Variants in SNX13 observed in about 807,000 individuals in gnomAD.
The protein encoded by SNX13 is sorting nexin 13.
Under a neutral mutation model 133.6 loss-of-function variants are expected in SNX13, and 45 were observed. The observed-to-expected ratio is 0.34, with a 90% CI of 0.27 to 0.43. SNX13 has a LOEUF of 0.43. Ranked by LOEUF, SNX13 falls within the 20% of genes least tolerant of loss-of-function variation. The pLI, the probability that SNX13 is intolerant of heterozygous loss-of-function variation, is 1.00. For synonymous variants in SNX13, 414 were observed against 373.9 expected (o/e 1.11, Z -1.24); for missense variants, 1,032 against 1,145.1 (o/e 0.90, Z 1.43).
chr7:17,894,172 A>G (rs1222446025), intron 2 of SNX13, among the ~76,000 whole-genome samples: 1 of 150,494 alleles, frequency 6.6e-6, no homozygotes, highest in East Asian at 2.0e-4. Flanking sequence ...GTGTGGTGAC[A>G]TGCACCTGTA....
At position 17,794,017 on chromosome 7, in the gene SNX13, A is replaced by G; in HGVS notation, c.*28T>C. ...GTCCATACCATTAGTCCTGGACAAA[A>G]TGAACACCAGCTTCATAGAGTGGAG... On this transcript the variant is annotated 3_prime_UTR_variant, in exon 26 of 26. Coordinates refer to ENST00000428135, the MANE Select transcript of SNX13 (RefSeq NM_015132.5). 6.2e-7 allele frequency: 1 copy of G among 1,606,122 alleles called. No individual in the cohort carries two copies. Among genetic ancestry groups the G allele is most frequent in the South Asian group, 1.1e-5 (1 of 90,054 alleles).
At chr7:17,878,285 C>T (rs1215565298) in intron 5 of SNX13, among the ~76,000 whole-genome samples, 1 of 152,110 alleles carries the variant, frequency 6.6e-6, no homozygotes, top group African/African-American at 2.4e-5. Flanking sequence ...GACACTTGAG[C>T]TTTATTATTA....
At chr7:17,891,327 C>T (rs983299721) in intron 4 of SNX13, among the ~76,000 whole-genome samples, 1 of 151,824 alleles carries the variant, frequency 6.6e-6, no homozygotes, top group Non-Finnish European at 1.5e-5. Flanking sequence ...AACTTTTTTT[C>T]TAAATCCAAA....
At chr7:17,823,916 A>G (rs747123092) in intron 17 of SNX13, among the ~76,000 whole-genome samples, 1 of 152,194 alleles carries the variant, frequency 6.6e-6, no homozygotes, top group Non-Finnish European at 1.5e-5. Flanking sequence ...GAGAAGAGAT[A>G]TAAGAAAGAA....
In SNX13 at chr7:17,834,693, T is replaced by G. The variant is rs1014009945; in HGVS notation, c.1464+68A>C. The G allele has an allele frequency of 4.8e-6, 5 of 1,045,388 alleles. No homozygotes were observed. In the South Asian group the frequency reaches 5.6e-5, roughly 12 times the overall value. The allele number at this position is 1,045,388 out of a possible 1,614,324, so 64.8% of individuals were successfully genotyped here. A position where few individuals can be genotyped will look rare whatever the true frequency, so the allele number is the denominator to read the frequency against. ...CTACTTTTAGAAAGTTTTTAAAAAC[T>G]AATTACATTACATAAAAGTATTTTT... On this transcript the variant is annotated intron_variant, in intron 14 of 25. Transcript: ENST00000428135.
At chr7:17,928,916 C>T (rs1483308447) in intron 1 of SNX13, among the ~76,000 whole-genome samples, 1 of 152,074 alleles carries the variant, frequency 6.6e-6, no homozygotes, top group Non-Finnish European at 1.5e-5. Flanking sequence ...TTATACTGGG[C>T]TCTACTGCTC....
At chr7:17,938,339 G>A (rs1802349504) in intron 1 of SNX13, among the ~76,000 whole-genome samples, 1 of 152,186 alleles carries the variant, frequency 6.6e-6, no homozygotes, top group Non-Finnish European at 1.5e-5. Context: ...TGAGAGTTAG[G>A]AGATGAGATT....
At chr7:17,888,131 A>G (rs777208346) in intron 5 of SNX13, 1 of 152,182 alleles carries the variant, frequency 6.6e-6, no homozygotes, top group Non-Finnish European at 1.5e-5. Flanking sequence ...ATTAACAGAG[A>G]AGGAACAAAC....
chr7:17,798,968 T>C (rs1784344718), intron 23 of SNX13, 41 bp downstream of exon 23: 1 of 1,579,366 alleles, frequency 6.3e-7, no homozygotes, highest in African/African-American at 1.4e-5. Context: ...GTTTAATAGC[T>C]AAGTAAGATC....
At chr7:17,834,702 T>G in intron 14 of SNX13, 59 bp downstream of exon 14, 1 of 1,148,034 alleles carries the variant, frequency 8.7e-7, no homozygotes, top group Admixed American at 2.4e-5. Flanking sequence ...CTAATTACAT[T>G]ACATAAAAGT....
chr7:17,794,414 T>C, intron 25 of SNX13, 122 bp from the exon 26 acceptor site: 1 of 1,212,028 alleles, frequency 8.3e-7, no homozygotes, highest in Non-Finnish European at 1.1e-6. Flanking sequence ...AACCAGTTAA[T>C]GCATTTCAGC....
intron 1 of SNX13, among the ~76,000 whole-genome samples, chr7:17,934,516 C>A (rs536030070): frequency 6.6e-6 from 1 of 152,242 alleles, no homozygotes; most frequent in African/African-American, 2.4e-5. Context: ...GTCTGCCTTC[C>A]ATGTGGGCAG....
intron 17 of SNX13, among the ~76,000 whole-genome samples, chr7:17,822,182 G>A (rs1239630747): frequency 2.0e-5 from 3 of 151,838 alleles, no homozygotes; most frequent in African/African-American, 7.3e-5. Flanking sequence ...TAGTTCACAA[G>A]TGCGGTTTAT....
At chr7:17,823,283 T>C (rs1030973035) in intron 17 of SNX13, among the ~76,000 whole-genome samples, 2 of 152,188 alleles carry the variant, frequency 1.3e-5, no homozygotes, top group African/African-American at 4.8e-5. Flanking sequence ...TGATATCTCA[T>C]AGCAGTTCAG....
chr7:17,858,996 A>G (rs1324852942), intron 9 of SNX13, among the ~76,000 whole-genome samples: 1 of 152,158 alleles, frequency 6.6e-6, no homozygotes, highest in African/African-American at 2.4e-5. Flanking sequence ...TAAAAATTAT[A>G]AAACTTAGCA....
intron 1 of SNX13, among the ~76,000 whole-genome samples, chr7:17,937,035 T>TAAA (rs1802151143): frequency 7.6e-6 from 1 of 131,542 alleles, no homozygotes; most frequent in Non-Finnish European, 1.7e-5. Context: ...AAAAAAAAAC[T>TAAA]AGCTAGACGT....
rs773908111 is a variant in SNX13 at position 17,816,191 on chromosome 7, T to C, written c.1944A>G (p.Ala648=). 2 of 1,534,290 alleles carry C rather than the reference T, an allele frequency of 1.3e-6. No homozygotes were observed. Among genetic ancestry groups the C allele is most frequent in the Admixed American group, 2.1e-5 (1 of 47,444 alleles). Residue 648 remains alanine, a synonymous_variant, in exon 19 of 26, where the codon GCA becomes GCG. Transcript: ENST00000428135. ...FLEKRKKDLN[A]YLQLLLAPEM... is the part of the protein sequence containing the mutation. ...GTAAACATGAGCTTACCTGCAAATA[T>C]GCATTTAGATCCTTTTTTCTCTTTT... is the stretch of plus-strand genomic sequence containing the variant.
At chr7:17,937,991 A>G (rs1320122843) in intron 1 of SNX13, among the ~76,000 whole-genome samples, 1 of 152,240 alleles carries the variant, frequency 6.6e-6, no homozygotes, top group Non-Finnish European at 1.5e-5. Context: ...AACATGAATT[A>G]AATCACATCT....
At position 17,830,542 on chromosome 7, in the gene SNX13, T is replaced by C. The variant is rs568884843; in HGVS notation, c.1598-495A>G. 100 of 983,950 alleles carry C rather than the reference T, an allele frequency of 1.0e-4. No homozygotes were observed. The South Asian group carries it at 2.3e-3, about 22-fold the overall frequency. 61.0% of individuals were successfully genotyped at this position (983,950 alleles called of 1,614,324 possible). ...TCCTCTTATTCTTGGTGGTAGATTA[T>C]CTTGAAAACACTGGAAGTCCAGATT... On this transcript the variant is annotated intron_variant, in intron 15 of 25. Transcript: ENST00000428135.
Sources: gnomAD v4.1 joint callset for allele counts (sites outside exome capture counted in the v4.1 genomes callset) on GRCh38, gnomAD v4.1.1 for gene constraint, MANE v1.5 for transcripts, NCBI Gene and HGNC (gene_info 2026-07-23, HGNC 2026-07-21) for gene names.